ZNF22: variants seen among roughly 807,000 people sequenced by gnomAD.
ZNF22 encodes krox-26 protein.
In ZNF22, 15 loss-of-function variants were observed where a neutral mutation model predicts 17.0. The observed-to-expected ratio is 0.88, with a 90% CI of 0.59 to 1.36. The LOEUF (loss-of-function observed/expected upper bound fraction) is 1.36. ZNF22 is among the 40% of genes most tolerant of loss of function. The probability of loss-of-function intolerance (pLI) is 0.00; values close to 1 mark genes in which losing one functional copy is unlikely to be tolerated. For missense variants in ZNF22, 272 were observed against 276.1 expected, an observed-to-expected ratio of 0.98 and a Z score of 0.11; for synonymous variants, 84 against 90.7, an observed-to-expected ratio of 0.93 and a Z score of 0.42.
Position 45,003,459 on chromosome 10 carries a change from C to T in ZNF22, c.91C>T (p.Gln31Ter). The change falls in exon 2 of 2, where the codon CAG becomes TAG. Residue 31 changes from glutamine (Q) to a stop codon, truncating the protein, a stop_gained. Transcript: ENST00000298299. LOFTEE classifies it high-confidence loss of function. ...ENKRKTGRQR[Q>*]KWGMTIRFDS... ...CAAGCGCAAAACAGGCCGGCAGCGGCAGAAGTGGGGCATGACTATTCGATT... is the reference window on the plus strand; with the variant it reads ...CAAGCGCAAAACAGGCCGGCAGCGGTAGAAGTGGGGCATGACTATTCGATT... 6.2e-7 allele frequency: 1 copy of T among 1,614,244 alleles called. No individual in the cohort carries two copies. The highest frequency in any genetic ancestry group is 8.5e-7 in the Non-Finnish European group (1 of 1,180,040).
rs931112441 is a variant in ZNF22 at position 45,004,744 on chromosome 10, C to T, written c.*701C>T. ...AGATACTATAGAATCCAAATGAGAACTGAATTGGACCTCAAGTCTTCTATT... is the reference window on the plus strand; with the variant it reads ...AGATACTATAGAATCCAAATGAGAATTGAATTGGACCTCAAGTCTTCTATT... On this transcript the variant is annotated 3_prime_UTR_variant, in exon 2 of 2. Transcript: ENST00000298299. 3 of 166,930 alleles carry T rather than the reference C, an allele frequency of 1.8e-5. No homozygotes were observed. The highest frequency in any genetic ancestry group is 4.8e-5 in the African/African-American group (2 of 41,406). 10.3% of individuals were successfully genotyped at this position (166,930 alleles called of 1,614,324 possible).
At chr10:45,002,219 T>C (rs1489166779) in intron 1 of ZNF22, 1 of 152,252 alleles carries the variant, frequency 6.6e-6, no homozygotes, top group Non-Finnish European at 1.5e-5. Flanking sequence ...TGACACAAGA[T>C]AATGAAAAAT....
At position 45,004,017 on chromosome 10, in the gene ZNF22, A is replaced by G. The variant is rs1435742899; in HGVS notation, c.649A>G (p.Arg217Gly). ...HLPSWKAGTGRKSVAGLR is the reference protein window; with the variant it reads ...HLPSWKAGTGGKSVAGLR ...ACCCTCTTGGAAAGCTGGTACAGGA[A>G]GGAAGTCTGTGGCTGGTCTCCGTTA... Residue 217 changes from arginine to glycine, a missense_variant, in exon 2 of 2, where the codon AGG becomes GGG. By Grantham distance (125) the Arg-to-Gly change is moderately radical. Coordinates refer to ENST00000298299, the MANE Select transcript of ZNF22 (RefSeq NM_006963.5). 1 of 1,612,162 alleles carries G rather than the reference A, an allele frequency of 6.2e-7. No individual in the cohort carries two copies. Among genetic ancestry groups the G allele is most frequent in the African/African-American group, 1.3e-5 (1 of 74,854 alleles).
At position 45,000,983 on chromosome 10, in the gene ZNF22, G is replaced by T; in HGVS notation, c.-90+5G>T. The T allele has an allele frequency of 1.4e-6, 1 of 718,558 alleles. No homozygotes were observed. Among genetic ancestry groups the T allele is most frequent in the Non-Finnish European group, 1.9e-6 (1 of 538,898 alleles). 44.5% of individuals were successfully genotyped at this position (718,558 alleles called of 1,614,324 possible). A position where few individuals can be genotyped will look rare whatever the true frequency, so the allele number is the denominator to read the frequency against. On this transcript the variant is annotated splice_donor_5th_base_variant and intron_variant, in intron 1 of 1. Coordinates refer to ENST00000298299, the MANE Select transcript of ZNF22 (RefSeq NM_006963.5). ...AGTGGTGGCTGGTCCCGCGCGGTGA[G>T]TGGGATTGGGGCACTTGGGGCGCTC...
Position 45,004,092 on chromosome 10 carries a change from A to G in ZNF22, c.*49A>G, listed in dbSNP as rs775665237. The G allele has an allele frequency of 2.6e-6, 4 of 1,518,238 alleles. No homozygotes were observed. The East Asian group carries it at 9.1e-5, about 34-fold the overall frequency. 94.0% of individuals were successfully genotyped at this position (1,518,238 alleles called of 1,614,324 possible). ...TTGAGACCTCTTAAGAAAAAATAAAAAGTAAAAAATGAAAGGAATCTTTTT... is the reference window on the plus strand; with the variant it reads ...TTGAGACCTCTTAAGAAAAAATAAAGAGTAAAAAATGAAAGGAATCTTTTT... On this transcript the variant is annotated 3_prime_UTR_variant, in exon 2 of 2. Coordinates refer to ENST00000298299, the MANE Select transcript of ZNF22 (RefSeq NM_006963.5).
In ZNF22 at chr10:45,004,913, A is replaced by G. The variant is rs889995138; in HGVS notation, c.*870A>G. On this transcript the variant is annotated 3_prime_UTR_variant, in exon 2 of 2. Transcript: ENST00000298299. The stretch of plus-strand genomic sequence containing the variant: ...CTGACAAACTGAGCCAGCCTTTTAG[A>G]TCTACATGAATAAACAAACTATTTT... The G allele has an allele frequency of 1.2e-5, 2 of 167,080 alleles. No individual in the cohort carries two copies. The highest frequency in any genetic ancestry group is 4.8e-5 in the African/African-American group (2 of 41,444). 10.3% of individuals were successfully genotyped at this position (167,080 alleles called of 1,614,324 possible). A position where few individuals can be genotyped will look rare whatever the true frequency, so the allele number is the denominator to read the frequency against.
intron 1 of ZNF22, among the ~76,000 whole-genome samples, chr10:45,001,527 G>C (rs922254463): frequency 2.6e-5 from 4 of 152,172 alleles, no homozygotes; most frequent in Admixed American, 1.3e-4. Context: ...GTTTAACTTC[G>C]TGCTTGCCCC....
At chr10:45,001,171 C>T (rs1047888804) in intron 1 of ZNF22, among the ~76,000 whole-genome samples, 193 bp downstream of exon 1, 13 of 150,310 alleles carry the variant, frequency 8.6e-5, no homozygotes, top group African/African-American at 3.2e-4. Context: ...GGGCCGCGGC[C>T]TGCGCGGCGG....
chr10:45,003,441 A>C lies in ZNF22; in HGVS notation c.73A>C (p.Lys25Gln). The stretch of plus-strand genomic sequence containing the variant: ...AGGAAAGGCCTATGAGAACAAGCGC[A>C]AAACAGGCCGGCAGCGGCAGAAGTG... ...SQGKAYENKRKTGRQRQKWGM... is the reference protein window; with the variant it reads ...SQGKAYENKRQTGRQRQKWGM... The change falls in exon 2 of 2, where the codon AAA becomes CAA. Residue 25 changes from lysine (K) to glutamine (Q), a missense_variant. Lys to Gln is a moderately conservative substitution (Grantham distance 53). Coordinates refer to ENST00000298299, the MANE Select transcript of ZNF22 (RefSeq NM_006963.5). The C allele has an allele frequency of 2.5e-6, 4 of 1,614,268 alleles. No individual in the cohort carries two copies. The highest frequency in any genetic ancestry group is 1.1e-5 in the South Asian group (1 of 91,084).
Position 45,004,170 on chromosome 10 carries a change from G to C in ZNF22, c.*127G>C, listed in dbSNP as rs1334714340. On this transcript the variant is annotated 3_prime_UTR_variant, in exon 2 of 2. Transcript: ENST00000298299. ...CACTTAAATACTGGATCTTTTGCTA[G>C]TGTGAAAACATTGGGAATTTAATGA... is the stretch of plus-strand genomic sequence containing the variant. The C allele has an allele frequency of 3.9e-6, 4 of 1,038,640 alleles. No individual in the cohort carries two copies. Among genetic ancestry groups the C allele is most frequent in the Non-Finnish European group, 5.4e-6 (4 of 737,544 alleles). The allele number at this position is 1,038,640 out of a possible 1,614,324, so 64.3% of individuals were successfully genotyped here. A position where few individuals can be genotyped will look rare whatever the true frequency, so the allele number is the denominator to read the frequency against.
chr10:45,004,190 T>A lies in ZNF22; in HGVS notation c.*147T>A. On this transcript the variant is annotated 3_prime_UTR_variant, in exon 2 of 2. Transcript: ENST00000298299. ...TGCTAGTGTGAAAACATTGGGAATTTAATGACATTATTGAGCTGAAAGAAA... is the reference window on the plus strand; with the variant it reads ...TGCTAGTGTGAAAACATTGGGAATTAAATGACATTATTGAGCTGAAAGAAA... The A allele has an allele frequency of 3.4e-6, 3 of 892,508 alleles. No individual in the cohort carries two copies. Among genetic ancestry groups the A allele is most frequent in the Admixed American group, 3.4e-5 (1 of 29,620 alleles). The allele number at this position is 892,508 out of a possible 1,614,324, so 55.3% of individuals were successfully genotyped here. A position where few individuals can be genotyped will look rare whatever the true frequency, so the allele number is the denominator to read the frequency against.
At chr10:45,001,195 A>G (rs539150067) in intron 1 of ZNF22, among the ~76,000 whole-genome samples, 9 of 150,772 alleles carry the variant, frequency 6.0e-5, no homozygotes, top group Admixed American at 2.0e-4. Flanking sequence ...GGCCGGGTCA[A>G]TGAGGAGCGG....
At chr10:45,002,155 T>A (rs1369818464) in intron 1 of ZNF22, 2 of 152,272 alleles carry the variant, frequency 1.3e-5, no homozygotes, top group Admixed American at 1.3e-4. Context: ...TTGCTTTATA[T>A]GTTTGTATGC....
intron 1 of ZNF22, among the ~76,000 whole-genome samples, chr10:45,001,503 C>T (rs561473004): frequency 6.6e-6 from 1 of 152,318 alleles, no homozygotes; most frequent in African/African-American, 2.4e-5. Flanking sequence ...AGAACAGCAG[C>T]TTCTGTCACT....
chr10:45,004,145 C>A lies in ZNF22; in HGVS notation c.*102C>A. The A allele has an allele frequency of 8.2e-7, 1 of 1,217,328 alleles. No individual in the cohort carries two copies. Among genetic ancestry groups the A allele is most frequent in the Non-Finnish European group, 1.1e-6 (1 of 886,650 alleles). The allele number at this position is 1,217,328 out of a possible 1,614,324, so 75.4% of individuals were successfully genotyped here. On this transcript the variant is annotated 3_prime_UTR_variant, in exon 2 of 2. Transcript: ENST00000298299. ...GAAATAGAGATGCTTTATAGTAGATCACTTAAATACTGGATCTTTTGCTAG... is the reference window on the plus strand; with the variant it reads ...GAAATAGAGATGCTTTATAGTAGATAACTTAAATACTGGATCTTTTGCTAG...
chr10:45,001,207 C>A (rs557363454), intron 1 of ZNF22, among the ~76,000 whole-genome samples: 3 of 151,240 alleles, frequency 2.0e-5, no homozygotes, highest in African/African-American at 4.8e-5. Flanking sequence ...GAGGAGCGGC[C>A]GGCGGAGTGC....
chr10:45,003,244 T>A, intron 1 of ZNF22, 36 bp from the exon 2 acceptor site: 2 of 827,146 alleles, frequency 2.4e-6, no homozygotes, highest in Non-Finnish European at 3.5e-6. Context: ...ATTTTTTTTC[T>A]GATCATCTCT....
Position 45,000,931 on chromosome 10 carries a change from C to T in ZNF22, c.-137C>T, listed in dbSNP as rs1242045287. On this transcript the variant is annotated 5_prime_UTR_variant, in exon 1 of 2. Transcript: ENST00000298299. Reference sequence around the variant, plus strand: ...AGCGCGGCGAGGCCCTCACTTCCGGCGGCGCGGGAGGCGCCCAGCGAGCCA... The same window carrying T: ...AGCGCGGCGAGGCCCTCACTTCCGGTGGCGCGGGAGGCGCCCAGCGAGCCA... 1 of 1,114,942 alleles carries T rather than the reference C, an allele frequency of 9.0e-7. No individual in the cohort carries two copies. The allele number at this position is 1,114,942 out of a possible 1,614,324, so 69.1% of individuals were successfully genotyped here. A position where few individuals can be genotyped will look rare whatever the true frequency, so the allele number is the denominator to read the frequency against.
At position 45,004,158 on chromosome 10, in the gene ZNF22, G is replaced by T; in HGVS notation, c.*115G>T. 1 of 1,137,778 alleles carries T rather than the reference G, an allele frequency of 8.8e-7. No individual in the cohort carries two copies. The highest frequency in any genetic ancestry group is 1.8e-5 in the South Asian group (1 of 54,234). The allele number at this position is 1,137,778 out of a possible 1,614,324, so 70.5% of individuals were successfully genotyped here. ...TTTATAGTAGATCACTTAAATACTG[G>T]ATCTTTTGCTAGTGTGAAAACATTG... On this transcript the variant is annotated 3_prime_UTR_variant, in exon 2 of 2. Transcript: ENST00000298299.
Sources: gnomAD v4.1 joint callset for allele counts (sites outside exome capture counted in the v4.1 genomes callset) on GRCh38, gnomAD v4.1.1 for gene constraint, MANE v1.5 for transcripts, NCBI Gene and HGNC (gene_info 2026-07-23, HGNC 2026-07-21) for gene names.